The following ADAMTS2 variants were observed in gnomAD, a reference collection of about 807,000 sequenced individuals.
ADAMTS2 encodes ADAM metallopeptidase with thrombospondin type 1 motif 2, also known as A disintegrin and metalloproteinase with thrombospondin motifs 2.
ADAMTS2 carries 50 observed loss-of-function variants against 123.0 expected under a neutral mutation model. The observed-to-expected ratio is 0.41, with a 90% CI of 0.32 to 0.51. The LOEUF (loss-of-function observed/expected upper bound fraction) is 0.51, where lower values mean the gene tolerates loss of function less well. Ranked by LOEUF, ADAMTS2 falls within the 20% of genes least tolerant of loss-of-function variation. The pLI, the probability that ADAMTS2 is intolerant of heterozygous loss-of-function variation, is 0.35. For synonymous variants in ADAMTS2, 678 were observed against 695.4 expected, an observed-to-expected ratio of 0.98 and a Z score of 0.39; for missense variants, 1,494 against 1,705.2, an observed-to-expected ratio of 0.88 and a Z score of 2.18.
chr5:179,298,568 G>A (rs1706072809), intron 2 of ADAMTS2, among the ~76,000 whole-genome samples: 1 of 152,186 alleles, frequency 6.6e-6, no homozygotes, highest in Non-Finnish European at 1.5e-5. Flanking sequence ...GTGATATTTT[G>A]TTATGGCAGC....
At chr5:179,328,361 A>G (rs1757368681) in intron 2 of ADAMTS2, among the ~76,000 whole-genome samples, 1 of 152,196 alleles carries the variant, frequency 6.6e-6, no homozygotes, top group Non-Finnish European at 1.5e-5. Flanking sequence ...ACTTTTTGTG[A>G]TTATCTGTGG....
At chr5:179,120,574 G>A (rs1211102146) in intron 21 of ADAMTS2, 2 of 152,192 alleles carry the variant, frequency 1.3e-5, no homozygotes, top group Non-Finnish European at 2.9e-5. Context: ...CAGAGGCGGT[G>A]GCTGGGGTGG....
chr5:179,163,886 G>T (rs1369884747), intron 5 of ADAMTS2, among the ~76,000 whole-genome samples: 2 of 152,192 alleles, frequency 1.3e-5, no homozygotes, highest in African/African-American at 4.8e-5. Flanking sequence ...CTGGCTTTGG[G>T]GTTCTGAGGA....
intron 12 of ADAMTS2, 127 bp downstream of exon 12, chr5:179,137,642 G>A (rs927696558): frequency 1.9e-4 from 252 of 1,299,384 alleles, no homozygotes; most frequent in Middle Eastern, 2.6e-4. Flanking sequence ...CAGCCAGGGT[G>A]GGCTCTCCTG....
At chr5:179,239,828 T>C (rs1765620911) in intron 3 of ADAMTS2, among the ~76,000 whole-genome samples, 1 of 152,038 alleles carries the variant, frequency 6.6e-6, no homozygotes, top group Non-Finnish European at 1.5e-5. Context: ...GTGCTGTGAT[T>C]AGACCAAGAA....
At chr5:179,224,008 C>A (rs927972785) in intron 3 of ADAMTS2, among the ~76,000 whole-genome samples, 5 of 152,218 alleles carry the variant, frequency 3.3e-5, no homozygotes, top group Non-Finnish European at 4.4e-5. Flanking sequence ...ACTTAGTTAT[C>A]CTTATGCTAC....
In ADAMTS2 at chr5:179,170,936, C is replaced by G. The variant is rs951029299; in HGVS notation, c.975+10136G>C. 6.6e-6 allele frequency among the ~76,000 whole-genome samples: 1 copy of G among 152,184 alleles called. No individual in the cohort carries two copies. The highest frequency in any genetic ancestry group is 2.4e-5 in the African/African-American group (1 of 41,440). ...CAGAGACCTGAAAACAGGGCCTCCC[C>G]CAGTGCTATGCAAAGTGAAGTCTGT... On this transcript the variant is annotated intron_variant, in intron 5 of 21. Transcript: ENST00000251582. This position sits in a 1 kb window ranked among gnomAD's most constrained non-coding sequence, Gnocchi z 4.3.
At chr5:179,323,562 T>C (rs1173920956) in intron 2 of ADAMTS2, among the ~76,000 whole-genome samples, 1 of 152,210 alleles carries the variant, frequency 6.6e-6, no homozygotes, top group Admixed American at 6.5e-5. Context: ...CTGGGCTCCA[T>C]AAACTGGGAA....
chr5:179,119,322 C>T (rs570180402), intron 21 of ADAMTS2, among the ~76,000 whole-genome samples: 10 of 152,344 alleles, frequency 6.6e-5, no homozygotes, highest in Middle Eastern at 3.4e-3. Context: ...CCCCCGGGCC[C>T]GGCCCTATGC....
Position 179,345,270 on chromosome 5 carries a change from A to AGCG in ADAMTS2, c.58_59insCGC (p.Leu19_Leu20insPro), listed in dbSNP as rs2127463912. The AGCG allele has an allele frequency of 8.6e-7, 1 of 1,157,434 alleles. No homozygotes were observed. The highest frequency in any genetic ancestry group is 4.4e-5 in the East Asian group (1 of 22,940). 71.7% of individuals were successfully genotyped at this position (1,157,434 alleles called of 1,614,324 possible). On this transcript the variant is annotated inframe_insertion, in exon 1 of 22. Transcript: ENST00000251582. The surrounding 1 kb of genome is among the most constrained non-coding windows in gnomAD (Gnocchi z 7.5). ...CAGGAGCGGCGGCGGCAGCAGCAGCAGCAGCAGCAGCAGCGCGGGGCAGAG... is the reference window on the plus strand; with the variant it reads ...CAGGAGCGGCGGCGGCAGCAGCAGCAGCGGCAGCAGCAGCAGCGCGGGGCAGAG...
chr5:179,275,841 C>T (rs185210047), intron 2 of ADAMTS2, among the ~76,000 whole-genome samples: 2 of 152,282 alleles, frequency 1.3e-5, no homozygotes, highest in South Asian at 2.1e-4. Context: ...TTACAGCAGC[C>T]GCAGAAAAGT....
At position 179,281,058 on chromosome 5, in the gene ADAMTS2, A is replaced by T. The variant is rs953534211; in HGVS notation, c.535-7994T>A. Reference sequence around the variant, plus strand: ...TTTCTAGTAGAGATGGGGTTTCACCATGTTGGCCAGGCTGGTCTCAAACTC... The same window carrying T: ...TTTCTAGTAGAGATGGGGTTTCACCTTGTTGGCCAGGCTGGTCTCAAACTC... On this transcript the variant is annotated intron_variant, in intron 2 of 21. Coordinates refer to ENST00000251582, the MANE Select transcript of ADAMTS2 (RefSeq NM_014244.5). 2.6e-5 allele frequency among the ~76,000 whole-genome samples: 4 copies of T among 152,264 alleles called. No homozygotes were observed. In the East Asian group the frequency reaches 7.7e-4, roughly 29 times the overall value.
chr5:179,207,760 C>G (rs193294918), intron 3 of ADAMTS2, 45 bp from the exon 4 acceptor site: 2 of 1,573,632 alleles, frequency 1.3e-6, no homozygotes, highest in Admixed American at 3.3e-5. Flanking sequence ...CAAACCCACC[C>G]GGACACAAAC....
chr5:179,332,478 C>T lies in ADAMTS2; in HGVS notation c.534+11289G>A, dbSNP rs963305549. On this transcript the variant is annotated intron_variant, in intron 2 of 21. Transcript: ENST00000251582. The surrounding 1 kb of genome is among the most constrained non-coding windows in gnomAD (Gnocchi z 4.2). ...CTGATAATAAAAGGTGTTTCTATCA[C>T]CCTTAACACTCAGGAAATTACAAAG... Among the ~76,000 whole-genome samples, 8 of 152,238 alleles carry T rather than the reference C, an allele frequency of 5.3e-5. No homozygotes were observed. Among genetic ancestry groups the T allele is most frequent in the Admixed American group, 5.2e-4 (8 of 15,284 alleles).
intron 21 of ADAMTS2, among the ~76,000 whole-genome samples, chr5:179,119,985 G>A (rs1027267883): frequency 6.6e-6 from 1 of 152,168 alleles, no homozygotes; most frequent in Non-Finnish European, 1.5e-5. Flanking sequence ...GAAAATACCT[G>A]GGGAGGGGAG....
chr5:179,220,451 G>A (rs1010268296), intron 3 of ADAMTS2, among the ~76,000 whole-genome samples: 2 of 152,134 alleles, frequency 1.3e-5, no homozygotes, highest in Admixed American at 6.5e-5. Flanking sequence ...TCCCCGGAAG[G>A]CCTCAGGTAC....
intron 2 of ADAMTS2, among the ~76,000 whole-genome samples, chr5:179,291,161 A>C (rs1220576116): frequency 3.9e-5 from 6 of 152,184 alleles, no homozygotes; most frequent in Non-Finnish European, 7.3e-5. Context: ...GGTTTTGAGG[A>C]TTCCCACTCA....
At chr5:179,237,409 A>C (rs1003298113) in intron 3 of ADAMTS2, among the ~76,000 whole-genome samples, 1 of 152,250 alleles carries the variant, frequency 6.6e-6, no homozygotes, top group African/African-American at 2.4e-5. Context: ...AAAATCTGCC[A>C]GCACTTTGAT....
At chr5:179,124,152 G>T (rs185656121) in intron 19 of ADAMTS2, among the ~76,000 whole-genome samples, 122 of 152,258 alleles carry the variant, frequency 8.0e-4, no homozygotes, top group South Asian at 1.9e-3. Flanking sequence ...CCCTGCAACT[G>T]CAAGTCCCGC....
Sources: gnomAD v4.1 joint callset for allele counts (sites outside exome capture counted in the v4.1 genomes callset) on GRCh38, gnomAD v4.1.1 for gene constraint, Gnocchi (gnomAD v3.1) non-coding constraint, MANE v1.5 for transcripts, NCBI Gene and HGNC (gene_info 2026-07-23, HGNC 2026-07-21) for gene names.